Variants in CD37 observed in about 807,000 individuals in gnomAD.
CD37 encodes the protein leukocyte antigen CD37.
CD37 carries 37 observed loss-of-function variants against 38.9 expected under a neutral mutation model. The ratio of observed to expected loss-of-function variants is 0.95; its 90% CI spans 0.73 to 1.25. The LOEUF (loss-of-function observed/expected upper bound fraction) is 1.25. Ranked by LOEUF, CD37 falls within the 50% of genes most tolerant of loss-of-function variation. The pLI, the probability that CD37 is intolerant of heterozygous loss-of-function variation, is 0.00. For synonymous variants in CD37, 146 were observed against 150.1 expected, an observed-to-expected ratio of 0.97 and a Z score of 0.20; for missense variants, 351 against 360.1, an observed-to-expected ratio of 0.97 and a Z score of 0.20.
Position 49,339,968 on chromosome 19 carries a change from C to T in CD37, c.769-283C>T. 7.1e-7 allele frequency: 1 copy of T among 1,416,080 alleles called. No homozygotes were observed. The highest frequency in any genetic ancestry group is 1.5e-5 in the South Asian group (1 of 67,402). The allele number at this position is 1,416,080 out of a possible 1,614,324, so 87.7% of individuals were successfully genotyped here. Reference sequence around the variant, plus strand: ...GAGGAGGCACAATTAGAGGCTGAGGCAGAGGGGGAAGACAGATGAGCCTCC... The same window carrying T: ...GAGGAGGCACAATTAGAGGCTGAGGTAGAGGGGGAAGACAGATGAGCCTCC... On this transcript the variant is annotated intron_variant, in intron 7 of 7. Coordinates refer to ENST00000323906, the MANE Select transcript of CD37 (RefSeq NM_001774.3). The surrounding 1 kb of genome is among the most constrained non-coding windows in gnomAD (Gnocchi z 4.5).
rs1971132523 is a variant in CD37, at chr19:49,339,727, C to G, written c.768+314C>G. The G allele has an allele frequency of 1.4e-6, 2 of 1,400,572 alleles. No homozygotes were observed. The highest frequency in any genetic ancestry group is 1.8e-6 in the Non-Finnish European group (2 of 1,082,302). The allele number at this position is 1,400,572 out of a possible 1,614,324, so 86.8% of individuals were successfully genotyped here. ...CCGCCGGAAATGCGAGCCGCACGTG[C>G]CGGGCGCTGGGGATTCGAGCCCCGG... is the stretch of plus-strand genomic sequence containing the variant. On this transcript the variant is annotated intron_variant, in intron 7 of 7. Transcript: ENST00000323906. The surrounding 1 kb of genome is among the most constrained non-coding windows in gnomAD (Gnocchi z 4.5).
chr19:49,338,230 C>A lies in CD37; in HGVS notation c.447+201C>A. The A allele has an allele frequency of 7.0e-7, 1 of 1,421,972 alleles. No individual in the cohort carries two copies. Among genetic ancestry groups the A allele is most frequent in the Non-Finnish European group, 9.2e-7 (1 of 1,091,246 alleles). 88.1% of individuals were successfully genotyped at this position (1,421,972 alleles called of 1,614,324 possible). On this transcript the variant is annotated intron_variant, in intron 5 of 7. Coordinates refer to ENST00000323906, the MANE Select transcript of CD37 (RefSeq NM_001774.3). The surrounding 1 kb of genome is among the most constrained non-coding windows in gnomAD (Gnocchi z 5.0). ...TGGTCTCCCAGTACCCAGACCCTGGCGTGGCTTCGCCATCTACCTCGAGAG... is the reference window on the plus strand; with the variant it reads ...TGGTCTCCCAGTACCCAGACCCTGGAGTGGCTTCGCCATCTACCTCGAGAG...
In CD37 at chr19:49,338,600, C is replaced by A; in HGVS notation, c.448-100C>A. 1.2e-6 allele frequency: 1 copy of A among 854,630 alleles called. No individual in the cohort carries two copies. The highest frequency in any genetic ancestry group is 1.5e-5 in the South Asian group (1 of 67,862). The allele number at this position is 854,630 out of a possible 1,614,324, so 52.9% of individuals were successfully genotyped here. A position where few individuals can be genotyped will look rare whatever the true frequency, so the allele number is the denominator to read the frequency against. On this transcript the variant is annotated intron_variant, in intron 5 of 7. Coordinates refer to ENST00000323906, the MANE Select transcript of CD37 (RefSeq NM_001774.3). The surrounding 1 kb of genome is among the most constrained non-coding windows in gnomAD (Gnocchi z 5.0). ...CCACTCCACACCCACCACTTAGTCCCCTGCTCCCCGACCTGACCTCATACC... is the reference window on the plus strand; with the variant it reads ...CCACTCCACACCCACCACTTAGTCCACTGCTCCCCGACCTGACCTCATACC...
In CD37 at chr19:49,339,063, G is replaced by GCCCC; in HGVS notation, c.684+127_684+128insCCCC. 1 of 812,054 alleles carries GCCCC rather than the reference G, an allele frequency of 1.2e-6. No homozygotes were observed. The highest frequency in any genetic ancestry group is 2.0e-6 in the Non-Finnish European group (1 of 504,494). 50.3% of individuals were successfully genotyped at this position (812,054 alleles called of 1,614,324 possible). A position where few individuals can be genotyped will look rare whatever the true frequency, so the allele number is the denominator to read the frequency against. ...AGAAAAGGAAAGGTACGGCAGGAGG[G>GCCCC]GCGGGGCCCTCTGAAGGGGGCGGGG... On this transcript the variant is annotated intron_variant, in intron 6 of 7. Coordinates refer to ENST00000323906, the MANE Select transcript of CD37 (RefSeq NM_001774.3). The surrounding 1 kb of genome is among the most constrained non-coding windows in gnomAD (Gnocchi z 4.5).
At chr19:49,336,160 A>C in intron 2 of CD37, 2 of 273,772 alleles carry the variant, frequency 7.3e-6, no homozygotes, top group East Asian at 8.3e-5. Flanking sequence ...ATGAAGTATG[A>C]CCCTAAATAA....
Position 49,336,994 on chromosome 19 carries a change from T to C in CD37, c.228T>C (p.Cys76=), listed in dbSNP as rs1323990635. ...IFTMGIALLG[C]VGALKELRCL... The stretch of plus-strand genomic sequence containing the variant: ...CCATGGGCATCGCCCTCCTGGGTTG[T>C]GTGGGGGCCCTCAAGGAGCTCCGCT... The change falls in exon 3 of 8, where the codon TGT becomes TGC. Residue 76 remains cysteine (C), a synonymous_variant. Coordinates refer to ENST00000323906, the MANE Select transcript of CD37 (RefSeq NM_001774.3). 1.9e-6 allele frequency: 3 copies of C among 1,613,840 alleles called. No homozygotes were observed. The highest frequency in any genetic ancestry group is 2.7e-5 in the African/African-American group (2 of 74,946).
At position 49,339,597 on chromosome 19, in the gene CD37, T is replaced by A. The variant is rs2146226367; in HGVS notation, c.768+184T>A. On this transcript the variant is annotated intron_variant, in intron 7 of 7. Coordinates refer to ENST00000323906, the MANE Select transcript of CD37 (RefSeq NM_001774.3). The surrounding 1 kb of genome is among the most constrained non-coding windows in gnomAD (Gnocchi z 4.5). ...CGGCCCAGCTTCAGGGAGCCCTGAT[T>A]GGGTGTACGCAGGGAAAGCCTCCTG... is the stretch of plus-strand genomic sequence containing the variant. 6.9e-7 allele frequency: 1 copy of A among 1,445,860 alleles called. No individual in the cohort carries two copies. Among genetic ancestry groups the A allele is most frequent in the Non-Finnish European group, 9.0e-7 (1 of 1,105,120 alleles). The allele number at this position is 1,445,860 out of a possible 1,614,324, so 89.6% of individuals were successfully genotyped here.
chr19:49,339,639 C>T lies in CD37; in HGVS notation c.768+226C>T. 1 of 1,430,604 alleles carries T rather than the reference C, an allele frequency of 7.0e-7. No individual in the cohort carries two copies. Among genetic ancestry groups the T allele is most frequent in the Non-Finnish European group, 9.1e-7 (1 of 1,097,210 alleles). The allele number at this position is 1,430,604 out of a possible 1,614,324, so 88.6% of individuals were successfully genotyped here. A position where few individuals can be genotyped will look rare whatever the true frequency, so the allele number is the denominator to read the frequency against. ...AGCCTCCTGCTATTGGCTGCGATCT[C>T]CCTCCCCTTTCTCCGCAGATGACTG... On this transcript the variant is annotated intron_variant, in intron 7 of 7. Coordinates refer to ENST00000323906, the MANE Select transcript of CD37 (RefSeq NM_001774.3). This position sits in a 1 kb window ranked among gnomAD's most constrained non-coding sequence, Gnocchi z 4.5.
At position 49,339,496 on chromosome 19, in the gene CD37, G is replaced by A. The variant is rs745431259; in HGVS notation, c.768+83G>A. On this transcript the variant is annotated intron_variant, in intron 7 of 7. Coordinates refer to ENST00000323906, the MANE Select transcript of CD37 (RefSeq NM_001774.3). This position sits in a 1 kb window ranked among gnomAD's most constrained non-coding sequence, Gnocchi z 4.5. ...TTCATTTCGCGTCCTTCGGTTGCCTGGGAAGGACGAGCTCAGGGCGGAGCG... is the reference window on the plus strand; with the variant it reads ...TTCATTTCGCGTCCTTCGGTTGCCTAGGAAGGACGAGCTCAGGGCGGAGCG... 2.6e-6 allele frequency: 4 copies of A among 1,534,988 alleles called. No homozygotes were observed. The highest frequency in any genetic ancestry group is 3.6e-6 in the Non-Finnish European group (4 of 1,121,808).
Position 49,339,017 on chromosome 19 carries a change from T to A in CD37, c.684+81T>A. The A allele has an allele frequency of 8.9e-7, 1 of 1,129,874 alleles. No homozygotes were observed. The highest frequency in any genetic ancestry group is 1.3e-6 in the Non-Finnish European group (1 of 765,788). 70.0% of individuals were successfully genotyped at this position (1,129,874 alleles called of 1,614,324 possible). ...GGAGGGCTGTCAGTGAGTAGCGGCC[T>A]GAGAAAGGGCGGGGTCTACGAGAAA... On this transcript the variant is annotated intron_variant, in intron 6 of 7. Transcript: ENST00000323906. The surrounding 1 kb of genome is among the most constrained non-coding windows in gnomAD (Gnocchi z 4.5).
chr19:49,339,738 G>T lies in CD37; in HGVS notation c.768+325G>T. On this transcript the variant is annotated intron_variant, in intron 7 of 7. Coordinates refer to ENST00000323906, the MANE Select transcript of CD37 (RefSeq NM_001774.3). This position sits in a 1 kb window ranked among gnomAD's most constrained non-coding sequence, Gnocchi z 4.5. ...GCGAGCCGCACGTGCCGGGCGCTGG[G>T]GATTCGAGCCCCGGGCCCAGCCTGA... is the stretch of plus-strand genomic sequence containing the variant. 2 of 1,398,168 alleles carry T rather than the reference G, an allele frequency of 1.4e-6. No homozygotes were observed. Among genetic ancestry groups the T allele is most frequent in the Non-Finnish European group, 1.9e-6 (2 of 1,080,726 alleles). The allele number at this position is 1,398,168 out of a possible 1,614,324, so 86.6% of individuals were successfully genotyped here. A position where few individuals can be genotyped will look rare whatever the true frequency, so the allele number is the denominator to read the frequency against.
In CD37 at chr19:49,335,856, C is replaced by CCCTGAGACA; in HGVS notation, c.142+70_142+71insCCTGAGACA. 8.0e-7 allele frequency: 1 copy of CCCTGAGACA among 1,257,180 alleles called. No homozygotes were observed. Among genetic ancestry groups the CCCTGAGACA allele is most frequent in the Non-Finnish European group, 1.2e-6 (1 of 860,964 alleles). The allele number at this position is 1,257,180 out of a possible 1,614,324, so 77.9% of individuals were successfully genotyped here. On this transcript the variant is annotated intron_variant, in intron 2 of 7. Transcript: ENST00000323906. The surrounding 1 kb of genome is among the most constrained non-coding windows in gnomAD (Gnocchi z 4.6). The stretch of plus-strand genomic sequence containing the variant: ...CAACTTCCTGGGGTCTCCCTTGTCT[C>CCCTGAGACA]AGGGAGACCTACGGTGCCCTACTCT...
chr19:49,337,215 G>A lies in CD37; in HGVS notation c.336G>A (p.Arg112=). ...ITLGILISTQ[R]AQLERSLRDV... ...TGGGAATCCTCATCTCCACTCAGCGGGCCCAGGTGAGCTTCCTGCAGTGGC... is the reference window on the plus strand; with the variant it reads ...TGGGAATCCTCATCTCCACTCAGCGAGCCCAGGTGAGCTTCCTGCAGTGGC... Residue 112 remains arginine (R), a synonymous_variant, in exon 4 of 8, where the codon CGG becomes CGA. Coordinates refer to ENST00000323906, the MANE Select transcript of CD37 (RefSeq NM_001774.3). 1 of 1,614,088 alleles carries A rather than the reference G, an allele frequency of 6.2e-7. No individual in the cohort carries two copies. The highest frequency in any genetic ancestry group is 1.3e-5 in the African/African-American group (1 of 75,062).
At position 49,339,328 on chromosome 19, in the gene CD37, A is replaced by G; in HGVS notation, c.685-2A>G. 6.2e-7 allele frequency: 1 copy of G among 1,613,668 alleles called. No individual in the cohort carries two copies. The highest frequency in any genetic ancestry group is 8.5e-7 in the Non-Finnish European group (1 of 1,179,634). Reference sequence around the variant, plus strand: ...CCTTTAACTTTTCCCTACACCCCCCAGGGCTGCGCGCAGGGCCTCCAGAAG... The same window carrying G: ...CCTTTAACTTTTCCCTACACCCCCCGGGGCTGCGCGCAGGGCCTCCAGAAG... On this transcript the variant is annotated splice_acceptor_variant, in intron 6 of 7. Transcript: ENST00000323906. LOFTEE classifies it high-confidence loss of function. The surrounding 1 kb of genome is among the most constrained non-coding windows in gnomAD (Gnocchi z 4.5).
rs571545731 is a variant in CD37, at chr19:49,337,135, T to A, written c.268-12T>A. 1 of 1,614,056 alleles carries A rather than the reference T, an allele frequency of 6.2e-7. No homozygotes were observed. Among genetic ancestry groups the A allele is most frequent in the South Asian group, 1.1e-5 (1 of 91,084 alleles). ...GGGGTGGTCAGCCTGATCTCTCCAC[T>A]CTGCTCCCCAGTATTTTGGGATGCT... On this transcript the variant is annotated splice_polypyrimidine_tract_variant and intron_variant, in intron 3 of 7. Transcript: ENST00000323906.
chr19:49,335,792 G>A lies in CD37; in HGVS notation c.142+6G>A. ...CAGCTTCGTGTCCTTTGTGGGTGAG[G>A]GGGGCTGGGGCAGGTGGGAGGGCCT... On this transcript the variant is annotated splice_donor_region_variant and intron_variant, in intron 2 of 7. Transcript: ENST00000323906. The surrounding 1 kb of genome is among the most constrained non-coding windows in gnomAD (Gnocchi z 4.6). 6.2e-7 allele frequency: 1 copy of A among 1,609,964 alleles called. No homozygotes were observed. Among genetic ancestry groups the A allele is most frequent in the South Asian group, 1.1e-5 (1 of 91,000 alleles).
At chr19:49,337,840 A>T in intron 4 of CD37, 85 bp from the exon 5 acceptor site, 1 of 1,559,206 alleles carries the variant, frequency 6.4e-7, no homozygotes, top group Non-Finnish European at 8.7e-7. Flanking sequence ...AGAGATGCAC[A>T]GGGCCCGCCT....
rs1489250652 is a variant in CD37 at position 49,339,584 on chromosome 19, AG to A, written c.768+174del. 3.4e-6 allele frequency: 5 copies of A among 1,451,952 alleles called. No individual in the cohort carries two copies. In the African/African-American group the frequency reaches 7.1e-5, roughly 21 times the overall value. 89.9% of individuals were successfully genotyped at this position (1,451,952 alleles called of 1,614,324 possible). ...CGGAGGGTGGGGGCGGCCCAGCTTC[AG>A]GGAGCCCTGATTGGGTGTACGCAGG... On this transcript the variant is annotated intron_variant, in intron 7 of 7. Transcript: ENST00000323906. This position sits in a 1 kb window ranked among gnomAD's most constrained non-coding sequence, Gnocchi z 4.5.
At chr19:49,336,550 T>C (rs1970963263) in intron 2 of CD37, 1 of 201,466 alleles carries the variant, frequency 5.0e-6, no homozygotes, top group East Asian at 1.3e-4. Context: ...AGAGCGAGGC[T>C]CCAACTCAAA....
Sources: gnomAD v4.1 joint callset for allele counts on GRCh38, gnomAD v4.1.1 for gene constraint, Gnocchi (gnomAD v3.1) non-coding constraint, MANE v1.5 for transcripts, NCBI Gene and HGNC (gene_info 2026-07-23, HGNC 2026-07-21) for gene names.